Variants in TBCD observed in about 807,000 individuals in gnomAD.
TBCD encodes tubulin-specific chaperone D.
In TBCD, 105 loss-of-function variants were observed where a neutral mutation model predicts 169.3. That is an observed-to-expected ratio of 0.62 (90% CI 0.53 to 0.73). The LOEUF is 0.73. TBCD is among the 30% of genes least tolerant of loss of function. The probability of loss-of-function intolerance (pLI) is 0.00; values close to 1 mark genes in which losing one functional copy is unlikely to be tolerated. For synonymous variants in TBCD, 700 were observed against 643.9 expected (o/e 1.09, Z -1.32); for missense variants, 1,444 against 1,600.1 (o/e 0.90, Z 1.66).
At chr17:82,936,237 C>T (rs1477282368) in intron 34 of TBCD, among the ~76,000 whole-genome samples, 1 of 152,248 alleles carries the variant, frequency 6.6e-6, no homozygotes, top group Admixed American at 6.5e-5. Context: ...GCTGCTGATT[C>T]TCTCTGAAGA....
intron 17 of TBCD, among the ~76,000 whole-genome samples, chr17:82,894,190 T>C (rs1320431441): frequency 1.2e-5 from 1 of 85,152 alleles, no homozygotes; most frequent in Non-Finnish European, 2.4e-5. Context: ...AACAAATGTT[T>C]AGCACCTCTA....
chr17:82,830,978 G>A, intron 13 of TBCD: 1 of 1,613,622 alleles, frequency 6.2e-7, no homozygotes, highest in Non-Finnish European at 8.5e-7. Context: ...AACCCAACCA[G>A]AAACATTCCC....
Position 82,889,592 on chromosome 17 carries a change from G to C in TBCD, c.1534-76G>C. The C allele has an allele frequency of 6.3e-7, 1 of 1,581,182 alleles. No homozygotes were observed. Among genetic ancestry groups the C allele is most frequent in the South Asian group, 1.1e-5 (1 of 89,962 alleles). Reference sequence around the variant, plus strand: ...AGCCGTGGGTCATTCACGTTGTGCTGTTTGTTCTGAACTTGCCTCTGGTGT... The same window carrying C: ...AGCCGTGGGTCATTCACGTTGTGCTCTTTGTTCTGAACTTGCCTCTGGTGT... On this transcript the variant is annotated intron_variant, in intron 15 of 38. Coordinates refer to ENST00000355528, the MANE Select transcript of TBCD (RefSeq NM_005993.5). This position sits in a 1 kb window ranked among gnomAD's most constrained non-coding sequence, Gnocchi z 5.3.
rs762345781 is a variant in TBCD, at chr17:82,772,481, A to G, written c.612A>G (p.Arg204=). The change falls in exon 6 of 39, where the codon CGA becomes CGG. Residue 204 remains arginine, a synonymous_variant. Coordinates refer to ENST00000355528, the MANE Select transcript of TBCD (RefSeq NM_005993.5). ...ACTTGATTGTCAGTGACAAGGCCCG[A>G]GATGCAGCTGCTGTCCTTGTGTCCA... ...ESYLIVSDKA[R]DAAAVLVSRF... 19 of 1,613,576 alleles carry G rather than the reference A, an allele frequency of 1.2e-5. No homozygotes were observed. The highest frequency in any genetic ancestry group is 1.6e-5 in the Non-Finnish European group (19 of 1,179,856).
At position 82,939,410 on chromosome 17, in the gene TBCD, C is replaced by T; in HGVS notation, c.3413C>T (p.Thr1138Ile). 6.2e-7 allele frequency: 1 copy of T among 1,613,558 alleles called. No individual in the cohort carries two copies. The highest frequency in any genetic ancestry group is 8.5e-7 in the Non-Finnish European group (1 of 1,179,838). Residue 1138 changes from threonine (T) to isoleucine (I), a missense_variant, in exon 37 of 39, where the codon ACC (threonine) becomes ATC (isoleucine). Thr to Ile is a moderately conservative substitution (Grantham distance 89). Coordinates refer to ENST00000355528, the MANE Select transcript of TBCD (RefSeq NM_005993.5). ...AGCCAGGTGTACGAGACATTGCTCA[C>T]CTACAGTGACGTCGTGGGCGCGGAT... Reference protein sequence around the residue: ...TASQVYETLLTYSDVVGADVL... With the variant: ...TASQVYETLLIYSDVVGADVL...
At chr17:82,869,127 G>A (rs1202107142) in intron 13 of TBCD, among the ~76,000 whole-genome samples, 2 of 152,200 alleles carry the variant, frequency 1.3e-5, no homozygotes, top group African/African-American at 2.4e-5. Flanking sequence ...CCCTGGCTCC[G>A]TGGGTCTCCA....
At chr17:82,906,646 T>C (rs1464081416) in intron 20 of TBCD, among the ~76,000 whole-genome samples, 1 of 152,362 alleles carries the variant, frequency 6.6e-6, no homozygotes, top group Admixed American at 6.5e-5. Flanking sequence ...GGACTTACCA[T>C]AGTGACGGCA....
At chr17:82,758,396 A>ATAAAT (rs1263110597) in intron 2 of TBCD, among the ~76,000 whole-genome samples, 24 of 123,164 alleles carry the variant, frequency 1.9e-4, no homozygotes, top group Admixed American at 1.3e-3. Flanking sequence ...AAAAAAAAAA[A>ATAAAT]AAAAAAATAA....
rs1270590058 is a variant in TBCD at position 82,890,445 on chromosome 17, G to A, written c.1563+748G>A. 1.3e-5 allele frequency among the ~76,000 whole-genome samples: 2 copies of A among 152,198 alleles called. No homozygotes were observed. Among genetic ancestry groups the A allele is most frequent in the African/African-American group, 4.8e-5 (2 of 41,458 alleles). Reference sequence around the variant, plus strand: ...GGCCAGGTGGTGTGGGGCGGCATGGGGTGGACGTGGGCCTGCGGACCCTTC... The same window carrying A: ...GGCCAGGTGGTGTGGGGCGGCATGGAGTGGACGTGGGCCTGCGGACCCTTC... On this transcript the variant is annotated intron_variant, in intron 16 of 38. Transcript: ENST00000355528. This position sits in a 1 kb window ranked among gnomAD's most constrained non-coding sequence, Gnocchi z 5.3.
At chr17:82,821,879 TAA>T (rs2052439370) in intron 13 of TBCD, among the ~76,000 whole-genome samples, 1 of 152,210 alleles carries the variant, frequency 6.6e-6, no homozygotes, top group South Asian at 2.1e-4. Flanking sequence ...TTTAAATGTA[TAA>T]TACATTTTAT....
chr17:82,905,900 C>A (rs750537650), intron 19 of TBCD, 36 bp from the exon 20 acceptor site: 1 of 1,550,064 alleles, frequency 6.5e-7, no homozygotes, highest in East Asian at 2.3e-5. Context: ...CACATGTACA[C>A]ACCCTCACCT....
chr17:82,803,022 G>A (rs1382820821), intron 9 of TBCD, among the ~76,000 whole-genome samples: 2 of 152,148 alleles, frequency 1.3e-5, no homozygotes, highest in African/African-American at 2.4e-5. Flanking sequence ...CTTTCTCTAC[G>A]TTTCCTGTAT....
Position 82,939,492 on chromosome 17 carries a change from TC to T in TBCD, c.3479+18del, listed in dbSNP as rs762127609. 1.0e-5 allele frequency: 16 copies of T among 1,600,944 alleles called. No individual in the cohort carries two copies. The highest frequency in any genetic ancestry group is 6.7e-5 in the Admixed American group (4 of 59,454). On this transcript the variant is annotated intron_variant, in intron 37 of 38. Coordinates refer to ENST00000355528, the MANE Select transcript of TBCD (RefSeq NM_005993.5). ...ACACTGCGTGGTGAGTGAAGGCCCT[TC>T]CTGCACGGCCACCTGGGCCTGGCAC...
At chr17:82,865,320 C>T (rs542686896) in intron 13 of TBCD, among the ~76,000 whole-genome samples, 4 of 152,312 alleles carry the variant, frequency 2.6e-5, no homozygotes, top group South Asian at 4.1e-4. Context: ...ACGCGGCTCT[C>T]GGGAGCCGTT....
intron 1 of TBCD, among the ~76,000 whole-genome samples, chr17:82,755,065 A>G (rs1395179482): frequency 1.3e-5 from 2 of 152,320 alleles, no homozygotes; most frequent in South Asian, 2.1e-4. Flanking sequence ...CAATACCTGT[A>G]AGATGTACAT....
In TBCD at chr17:82,933,053, C is replaced by T. The variant is rs181631649; in HGVS notation, c.3191+318C>T. Among the ~76,000 whole-genome samples the T allele has an allele frequency of 2.8e-3, 422 of 152,184 alleles. 2 individuals carry two copies. Among genetic ancestry groups the T allele is most frequent in the African/African-American group, 9.6e-3 (400 of 41,520 alleles). On this transcript the variant is annotated intron_variant, in intron 34 of 38. Coordinates refer to ENST00000355528, the MANE Select transcript of TBCD (RefSeq NM_005993.5). The stretch of plus-strand genomic sequence containing the variant: ...TGGGCCTCAGGGTTGTGCTGGGAGC[C>T]GCAGGGCCTGAAGGGGCCTCGGCTG...
intron 7 of TBCD, among the ~76,000 whole-genome samples, chr17:82,796,989 C>G (rs541753462): frequency 6.6e-6 from 1 of 152,328 alleles, no homozygotes; most frequent in South Asian, 2.1e-4. Context: ...AGATGCAGTT[C>G]TCACCTTGAC....
chr17:82,804,743 C>A (rs537809272), intron 9 of TBCD, among the ~76,000 whole-genome samples: 1 of 152,216 alleles, frequency 6.6e-6, no homozygotes, highest in Non-Finnish European at 1.5e-5. Context: ...CCAGACTCTG[C>A]GTATTCTGTT....
chr17:82,939,590 T>G, intron 37 of TBCD, 114 bp downstream of exon 37: 1 of 830,070 alleles, frequency 1.2e-6, no homozygotes, highest in Non-Finnish European at 1.9e-6. Flanking sequence ...GGAAAGAGGG[T>G]TCCCAGGTCT....
Sources: gnomAD v4.1 joint callset for allele counts (sites outside exome capture counted in the v4.1 genomes callset) on GRCh38, gnomAD v4.1.1 for gene constraint, Gnocchi (gnomAD v3.1) non-coding constraint, MANE v1.5 for transcripts, NCBI Gene and HGNC (gene_info 2026-07-23, HGNC 2026-07-21) for gene names.